SLC13A3: variants seen among roughly 807,000 people sequenced by gnomAD.
SLC13A3 encodes the protein Na(+)/dicarboxylate cotransporter 3.
Under a neutral mutation model 59.0 loss-of-function variants are expected in SLC13A3, and 40 were observed. That is an observed-to-expected ratio of 0.68 (90% CI 0.53 to 0.88). SLC13A3 has a LOEUF of 0.88. SLC13A3 is among the 40% of genes least tolerant of loss of function. SLC13A3 has a pLI of 0.00. For missense variants in SLC13A3, 699 were observed against 783.2 expected (o/e 0.89, Z 1.28); for synonymous variants, 317 against 330.3 (o/e 0.96, Z 0.44).
chr20:46,611,007 C>T (rs1038536442), intron 2 of SLC13A3, among the ~76,000 whole-genome samples: 3 of 152,040 alleles, frequency 2.0e-5, no homozygotes, highest in African/African-American at 7.2e-5. Flanking sequence ...CTCTGCTGAA[C>T]TTCTCACCCG....
chr20:46,599,328 C>G (rs1244554677), intron 4 of SLC13A3, among the ~76,000 whole-genome samples: 4 of 152,262 alleles, frequency 2.6e-5, no homozygotes, highest in Admixed American at 6.5e-5. Context: ...TGTGTCATCA[C>G]TGTTAAATTG....
intron 3 of SLC13A3, among the ~76,000 whole-genome samples, chr20:46,608,228 G>C (rs990574866): frequency 6.6e-6 from 1 of 152,144 alleles, no homozygotes; most frequent in African/African-American, 2.4e-5. Context: ...ATTTTCAAAT[G>C]GTTGAAAAAC....
chr20:46,592,446 C>T lies in SLC13A3; in HGVS notation c.878G>A (p.Gly293Asp). Residue 293 changes from glycine to aspartate, a missense_variant, in exon 6 of 13, where the codon GGC becomes GAC. By Grantham distance (94) the Gly-to-Asp change is moderately conservative. Transcript: ENST00000279027. The part of the protein sequence containing the change: ...FPLMLLFLLA[G>D]WLWISFLYGG... The stretch of plus-strand genomic sequence containing the variant: ...GTACAGGAAGGAGATCCAGAGCCAG[C>T]CTGCCAACAGGAACAACAGCATAAG... 1 of 1,613,888 alleles carries T rather than the reference C, an allele frequency of 6.2e-7. No homozygotes were observed. The highest frequency in any genetic ancestry group is 8.5e-7 in the Non-Finnish European group (1 of 1,179,898).
intron 3 of SLC13A3, among the ~76,000 whole-genome samples, chr20:46,603,735 G>A (rs141104430): frequency 6.6e-6 from 1 of 151,970 alleles, no homozygotes; most frequent in African/African-American, 2.4e-5. Flanking sequence ...ATATTTTTCT[G>A]CTTTTGATTT....
chr20:46,672,074 G>A (rs1475053436), upstream of SLC13A3, among the ~76,000 whole-genome samples: 1 of 152,218 alleles, frequency 6.6e-6, no homozygotes, highest in Admixed American at 6.5e-5. Flanking sequence ...CCAGTTCCCA[G>A]TCCAGGGGTC....
At chr20:46,603,872 G>A (rs1013579659) in intron 3 of SLC13A3, among the ~76,000 whole-genome samples, 1 of 151,586 alleles carries the variant, frequency 6.6e-6, no homozygotes, top group African/African-American at 2.4e-5. Flanking sequence ...GAGCTGGGTA[G>A]TCCCAGCTCT....
At chr20:46,639,513 C>T (rs915031178) in intron 1 of SLC13A3, among the ~76,000 whole-genome samples, 4 of 152,052 alleles carry the variant, frequency 2.6e-5, no homozygotes, top group African/African-American at 7.2e-5. Flanking sequence ...ACCAAGCAGC[C>T]GAACCCAAGC....
intron 4 of SLC13A3, among the ~76,000 whole-genome samples, chr20:46,597,557 C>T (rs888901447): frequency 3.3e-5 from 5 of 152,182 alleles, no homozygotes; most frequent in African/African-American, 9.7e-5. Flanking sequence ...CTGCCTCAGC[C>T]TCCCGAGTAA....
chr20:46,601,168 G>T (rs1419122524), intron 3 of SLC13A3, among the ~76,000 whole-genome samples: 1 of 152,176 alleles, frequency 6.6e-6, no homozygotes, highest in Non-Finnish European at 1.5e-5. Flanking sequence ...ACTAAATCAG[G>T]GAAGGGGACC....
intron 1 of SLC13A3, among the ~76,000 whole-genome samples, chr20:46,647,813 C>G (rs781277439): frequency 6.6e-6 from 1 of 152,200 alleles, no homozygotes; most frequent in Non-Finnish European, 1.5e-5. Flanking sequence ...CAGATGTCAT[C>G]AAGCTGGAAA....
intron 1 of SLC13A3, among the ~76,000 whole-genome samples, chr20:46,667,574 A>C (rs930989637): frequency 1.3e-5 from 2 of 152,122 alleles, no homozygotes; most frequent in African/African-American, 4.8e-5. Flanking sequence ...ACCTGTCTTA[A>C]CTCATTCCAT....
chr20:46,568,637 C>T (rs547076329), intron 10 of SLC13A3, among the ~76,000 whole-genome samples: 1 of 152,266 alleles, frequency 6.6e-6, no homozygotes, highest in Admixed American at 6.5e-5. Flanking sequence ...GGCCACAGCC[C>T]CTAACCTGGC....
At chr20:46,601,354 C>T (rs571103265) in intron 3 of SLC13A3, among the ~76,000 whole-genome samples, 1 of 152,186 alleles carries the variant, frequency 6.6e-6, no homozygotes, top group Non-Finnish European at 1.5e-5. Flanking sequence ...GGTAACCATA[C>T]AGACCCTGAG....
At chr20:46,585,115 A>G in intron 8 of SLC13A3, 1 of 981,596 alleles carries the variant, frequency 1.0e-6, no homozygotes, top group Non-Finnish European at 1.2e-6. Flanking sequence ...AAAAGAATAA[A>G]TTTGTGACCT....
intron 1 of SLC13A3, among the ~76,000 whole-genome samples, chr20:46,663,785 C>G (rs1285134583): frequency 6.6e-6 from 1 of 152,152 alleles, no homozygotes; most frequent in Non-Finnish European, 1.5e-5. Context: ...CAAACCCAAG[C>G]AATTTCACTG....
Position 46,571,723 on chromosome 20 carries a change from G to A in SLC13A3, c.1332+3850C>T, listed in dbSNP as rs199668402. The stretch of plus-strand genomic sequence containing the variant: ...TTTGGGGGGTAGATGTGGTATATAG[G>A]AATAGGCAGGGTCATGAGAGGAAGA... On this transcript the variant is annotated intron_variant, in intron 10 of 12. Transcript: ENST00000279027. Among the ~76,000 whole-genome samples, 6 of 152,040 alleles carry A rather than the reference G, an allele frequency of 3.9e-5. No homozygotes were observed. The East Asian group carries it at 1.2e-3, about 29-fold the overall frequency.
intron 6 of SLC13A3, among the ~76,000 whole-genome samples, chr20:46,592,125 A>T (rs2122679974): frequency 6.6e-6 from 1 of 152,234 alleles, no homozygotes. Flanking sequence ...AGGCCAGAGG[A>T]ACACTGAACC....
intron 1 of SLC13A3, among the ~76,000 whole-genome samples, chr20:46,638,195 G>A (rs2062812851): frequency 6.6e-6 from 1 of 152,222 alleles, no homozygotes; most frequent in South Asian, 2.1e-4. Context: ...TGGGCACTCT[G>A]TGGTGTAAAA....
At chr20:46,560,386 C>T (rs1381989531) in intron 12 of SLC13A3, among the ~76,000 whole-genome samples, 188 bp from the exon 13 acceptor site, 3 of 152,196 alleles carry the variant, frequency 2.0e-5, no homozygotes, top group African/African-American at 7.2e-5. Flanking sequence ...TAGGCTGTCA[C>T]TCAAAGAGCT....
Sources: allele counts gnomAD v4.1 joint callset (sites outside exome capture counted in the v4.1 genomes callset), GRCh38; gene constraint gnomAD v4.1.1; transcripts MANE v1.5; gene names NCBI Gene and HGNC (gene_info 2026-07-23, HGNC 2026-07-21).